TGFB2: variants seen among roughly 807,000 people sequenced by gnomAD.
The protein encoded by TGFB2 is transforming growth factor beta-2 proprotein.
In TGFB2, 13 loss-of-function variants were observed where a neutral mutation model predicts 42.7. That is an observed-to-expected ratio of 0.30 (90% CI 0.20 to 0.48). The LOEUF is 0.48. Ranked by LOEUF, TGFB2 falls within the 20% of genes least tolerant of loss-of-function variation. The pLI is 0.99. For synonymous variants in TGFB2, 193 were observed against 193.6 expected (o/e 1.00, Z 0.03); for missense variants, 390 against 517.5 (o/e 0.75, Z 2.39).
chr1:218,405,474 C>T (rs774951607), intron 2 of TGFB2, 142 bp downstream of exon 2: 6 of 1,424,418 alleles, frequency 4.2e-6, no homozygotes, highest in Non-Finnish European at 4.8e-6. Context: ...AAACGATCCG[C>T]TTGCCTCAGC....
intron 1 of TGFB2, among the ~76,000 whole-genome samples, chr1:218,381,079 A>G (rs187830700): frequency 1.3e-5 from 2 of 152,320 alleles, no homozygotes; most frequent in African/African-American, 4.8e-5. Context: ...AAGGAATGAC[A>G]GTGCATCAAG....
At chr1:218,432,496 AG>A (rs760164173) in intron 2 of TGFB2, among the ~76,000 whole-genome samples, 5 of 152,178 alleles carry the variant, frequency 3.3e-5, no homozygotes, top group Non-Finnish European at 7.4e-5. Flanking sequence ...TCCAGAAAAA[AG>A]TCTACCATTA....
rs562879941 is a variant in TGFB2, at chr1:218,367,375, G to A, written c.346+20328G>A. On this transcript the variant is annotated intron_variant, in intron 1 of 6. Transcript: ENST00000366930. ...CTGCAGGTTTCTCTTTCCAAACAGT[G>A]TTTTGTTCAACCAGAGGCATTAGAG... 9.9e-5 allele frequency among the ~76,000 whole-genome samples: 15 copies of A among 152,266 alleles called. No individual in the cohort carries two copies. In the East Asian group the frequency reaches 2.9e-3, roughly 29 times the overall value.
In TGFB2 at chr1:218,392,364, A is replaced by T. The variant is rs553817335; in HGVS notation, c.347-12805A>T. On this transcript the variant is annotated intron_variant, in intron 1 of 6. Transcript: ENST00000366930. ...CAAGACTCCGTCTCAAAACAAACAA[A>T]CAAACAAACAAACAAAAAACTGGCT... 4.6e-5 allele frequency among the ~76,000 whole-genome samples: 7 copies of T among 152,162 alleles called. No homozygotes were observed. The East Asian group carries it at 9.7e-4, about 21-fold the overall frequency.
At chr1:218,356,997 G>A (rs1571831142) in intron 1 of TGFB2, among the ~76,000 whole-genome samples, 1 of 151,778 alleles carries the variant, frequency 6.6e-6, no homozygotes, top group East Asian at 1.9e-4. Flanking sequence ...GGATCACCTG[G>A]GGTCAGGAGT....
chr1:218,412,426 A>C (rs1659130278), intron 2 of TGFB2, among the ~76,000 whole-genome samples: 1 of 152,134 alleles, frequency 6.6e-6, no homozygotes, highest in African/African-American at 2.4e-5. Flanking sequence ...AGATATCTGA[A>C]TAGATTAGAT....
At chr1:218,405,489 C>G in intron 2 of TGFB2, 157 bp downstream of exon 2, 1 of 1,310,026 alleles carries the variant, frequency 7.6e-7, no homozygotes. Flanking sequence ...CTCAGCCTCC[C>G]TAGTCAATGG....
At chr1:218,358,998 G>A (rs1042332506) in intron 1 of TGFB2, among the ~76,000 whole-genome samples, 1 of 152,156 alleles carries the variant, frequency 6.6e-6, no homozygotes, top group Admixed American at 6.5e-5. Context: ...CCCCCCAGAG[G>A]TCAGTCAGGG....
At chr1:218,393,473 A>G (rs548632888) in intron 1 of TGFB2, among the ~76,000 whole-genome samples, 5 of 152,342 alleles carry the variant, frequency 3.3e-5, no homozygotes, top group South Asian at 2.1e-4. Context: ...GCTTCCTTCT[A>G]CTGATCTTGT....
At chr1:218,361,852 T>C (rs1385928457) in intron 1 of TGFB2, among the ~76,000 whole-genome samples, 2 of 152,164 alleles carry the variant, frequency 1.3e-5, no homozygotes, top group African/African-American at 4.8e-5. Flanking sequence ...AACAGCATGG[T>C]TTCTTATTGG....
chr1:218,442,943 A>C lies in TGFB2; in HGVS notation c.*1581A>C, dbSNP rs905044567. On this transcript the variant is annotated 3_prime_UTR_variant, in exon 7 of 7. Coordinates refer to ENST00000366930, the MANE Select transcript of TGFB2 (RefSeq NM_003238.6). The stretch of plus-strand genomic sequence containing the variant: ...ATCCTATTGTTATTACAAAGAGGAC[A>C]CTTCATAGGAAACATCTTTTTCTTT... The C allele has an allele frequency of 6.6e-6, 1 of 152,176 alleles. No individual in the cohort carries two copies. Among genetic ancestry groups the C allele is most frequent in the African/African-American group, 2.4e-5 (1 of 41,460 alleles). 9.4% of individuals were successfully genotyped at this position (152,176 alleles called of 1,614,324 possible).
intron 1 of TGFB2, among the ~76,000 whole-genome samples, chr1:218,380,851 C>A (rs925364974): frequency 6.3e-4 from 96 of 152,176 alleles, no homozygotes; most frequent in Admixed American, 6.2e-3. Flanking sequence ...GAAAAAATAA[C>A]AGAGGCTAAC....
intron 1 of TGFB2, among the ~76,000 whole-genome samples, chr1:218,402,804 C>T (rs951467239): frequency 6.6e-6 from 1 of 152,188 alleles, no homozygotes; most frequent in East Asian, 1.9e-4. Flanking sequence ...ATGTTTGAAG[C>T]TTCTGCTGTC....
chr1:218,357,785 C>A (rs946396250), intron 1 of TGFB2, among the ~76,000 whole-genome samples: 2 of 152,224 alleles, frequency 1.3e-5, no homozygotes, highest in African/African-American at 4.8e-5. Context: ...TCCCTCAGGC[C>A]TTCCAAGCTA....
intron 2 of TGFB2, among the ~76,000 whole-genome samples, chr1:218,429,623 T>G (rs528087570): frequency 6.6e-6 from 1 of 152,374 alleles, no homozygotes; most frequent in East Asian, 1.9e-4. Context: ...GAATGGAATT[T>G]CTGGATCATG....
At chr1:218,414,796 CATGCAG>C (rs144994061) in intron 2 of TGFB2, among the ~76,000 whole-genome samples, 41,891 of 151,866 alleles carry the variant, frequency 0.28, 5,721 homozygotes, top group African/African-American at 0.31. Context: ...ATCGCTAATA[CATGCAG>C]TGATTACTGT....
chr1:218,390,046 C>G, intron 1 of TGFB2, among the ~76,000 whole-genome samples: 1 of 152,238 alleles, frequency 6.6e-6, no homozygotes, highest in East Asian at 1.9e-4. Context: ...CTATGGTGCT[C>G]TATTTACTTT....
intron 1 of TGFB2, among the ~76,000 whole-genome samples, chr1:218,401,723 C>T (rs1180613052): frequency 1.3e-5 from 2 of 152,080 alleles, no homozygotes; most frequent in African/African-American, 4.8e-5. Flanking sequence ...TTGGAGGAAG[C>T]AGAGGAAAAA....
At position 218,372,746 on chromosome 1, in the gene TGFB2, C is replaced by T. The variant is rs192257774; in HGVS notation, c.346+25699C>T. The stretch of plus-strand genomic sequence containing the variant: ...ATGTTTCTGTTTGGTAGCTGTAGTG[C>T]AGAGGTTCTCAACTTCACTATGTAT... On this transcript the variant is annotated intron_variant, in intron 1 of 6. Transcript: ENST00000366930. 2.0e-5 allele frequency among the ~76,000 whole-genome samples: 3 copies of T among 152,310 alleles called. No homozygotes were observed. The East Asian group carries it at 5.8e-4, about 29-fold the overall frequency.
Sources: gnomAD v4.1 joint callset for allele counts (sites outside exome capture counted in the v4.1 genomes callset) on GRCh38, gnomAD v4.1.1 for gene constraint, MANE v1.5 for transcripts, NCBI Gene and HGNC (gene_info 2026-07-23, HGNC 2026-07-21) for gene names.